SH3TC1: variants seen among roughly 807,000 people sequenced by gnomAD.
The protein encoded by SH3TC1 is SH3 domain and tetratricopeptide repeat-containing protein 1.
Under a neutral mutation model 117.3 loss-of-function variants are expected in SH3TC1, and 135 were observed. That is an observed-to-expected ratio of 1.15 (90% CI 1.00 to 1.33). The LOEUF (loss-of-function observed/expected upper bound fraction) is 1.33. Ranked by LOEUF, SH3TC1 falls within the 40% of genes most tolerant of loss-of-function variation. The pLI is 0.00. For synonymous variants in SH3TC1, 898 were observed against 816.9 expected (o/e 1.10, Z -1.69); for missense variants, 2,092 against 1,794.3 (o/e 1.17, Z -3.00).
At position 8,233,496 on chromosome 4, in the gene SH3TC1, G is replaced by A. The variant is rs1721448306; in HGVS notation, c.3265G>A (p.Val1089Met). 6.2e-7 allele frequency: 1 copy of A among 1,611,776 alleles called. No homozygotes were observed. Among genetic ancestry groups the A allele is most frequent in the Non-Finnish European group, 8.5e-7 (1 of 1,178,958 alleles). Residue 1089 changes from valine to methionine, a missense_variant, in exon 14 of 18, where the codon GTG becomes ATG. Transcript: ENST00000245105. ...TTACATCTTGCGGCAGAGCGAGCTGGTGGACCTCTACATCCAGGTGAGTGA... is the reference window on the plus strand; with the variant it reads ...TTACATCTTGCGGCAGAGCGAGCTGATGGACCTCTACATCCAGGTGAGTGA... Reference protein sequence around the residue: ...IYYILRQSELVDLYIQVAQNV... With the variant: ...IYYILRQSELMDLYIQVAQNV...
upstream of SH3TC1, among the ~76,000 whole-genome samples, chr4:8,195,036 G>C (rs536491322): frequency 6.6e-5 from 10 of 152,272 alleles, no homozygotes; most frequent in African/African-American, 2.4e-4. Context: ...GCCTCCTCTA[G>C]ACCCTCTGTG....
chr4:8,194,381 C>A (rs1266845335), upstream of SH3TC1, among the ~76,000 whole-genome samples: 1 of 152,050 alleles, frequency 6.6e-6, no homozygotes, highest in African/African-American at 2.4e-5. Context: ...GCCATCGTGG[C>A]CATGCCTGCC....
Position 8,206,562 on chromosome 4 carries a change from G to A in SH3TC1, c.172+1196G>A, listed in dbSNP as rs185845811. ...TGAGTGGCTGGGTGTTTCCTCCTCC[G>A]GAGGCTCAGCAAAGCACCGTGGCAT... On this transcript the variant is annotated intron_variant, in intron 2 of 17. Coordinates refer to ENST00000245105, the MANE Select transcript of SH3TC1 (RefSeq NM_018986.5). This position sits in a 1 kb window ranked among gnomAD's most constrained non-coding sequence, Gnocchi z 5.5. 2.4e-4 allele frequency among the ~76,000 whole-genome samples: 37 copies of A among 152,216 alleles called. No individual in the cohort carries two copies. The highest frequency in any genetic ancestry group is 1.6e-3 in the Admixed American group (24 of 15,288).
At position 8,189,263 on chromosome 4, in the gene SH3TC1, G is replaced by A. The variant is rs182524906; in HGVS notation, c.-57+7053G>A. The stretch of plus-strand genomic sequence containing the variant: ...ACGTGGCCCACAGAGAGCAAGGCCC[G>A]CCAGTCTCCTCGCTGGAGGAGCCCG... On this transcript the variant is annotated intron_variant, in intron 1 of 16. Transcript: ENST00000508641. Among the ~76,000 whole-genome samples the A allele has an allele frequency of 9.6e-4, 147 of 152,370 alleles. 1 individual carries two copies. The highest frequency in any genetic ancestry group is 2.5e-4 in the Non-Finnish European group (17 of 68,036).
At position 8,210,358 on chromosome 4, in the gene SH3TC1, G is replaced by A. The variant is rs543960222; in HGVS notation, c.247+536G>A. On this transcript the variant is annotated intron_variant, in intron 3 of 17. Coordinates refer to ENST00000245105, the MANE Select transcript of SH3TC1 (RefSeq NM_018986.5). This position sits in a 1 kb window ranked among gnomAD's most constrained non-coding sequence, Gnocchi z 4.1. ...AATGGAGACCCCAGCATCCATTGCT[G>A]GCTTTGCCCCTTGGCGGTGATGCCC... 4.6e-5 allele frequency among the ~76,000 whole-genome samples: 7 copies of A among 152,266 alleles called. No individual in the cohort carries two copies. Among genetic ancestry groups the A allele is most frequent in the Non-Finnish European group, 1.0e-4 (7 of 68,046 alleles).
At chr4:8,238,449 T>C (rs73079783) in intron 17 of SH3TC1, among the ~76,000 whole-genome samples, 284 of 152,268 alleles carry the variant, frequency 1.9e-3, no homozygotes, top group African/African-American at 6.5e-3. Context: ...CTACTCAGCA[T>C]CACACTGGCA....
Position 8,237,573 on chromosome 4 carries a change from T to C in SH3TC1, c.3656T>C (p.Leu1219Pro), listed in dbSNP as rs1158925248. The C allele has an allele frequency of 6.2e-7, 1 of 1,612,268 alleles. No individual in the cohort carries two copies. The highest frequency in any genetic ancestry group is 8.5e-7 in the Non-Finnish European group (1 of 1,179,600). The stretch of plus-strand genomic sequence containing the variant: ...GCAGAGCACTTCTACCTCAAGGCCC[T>C]GTCGCTCTGCAACTCGCCGCTGGAG... ...ELAEHFYLKALSLCNSPLEFD... is the reference protein window; with the variant it reads ...ELAEHFYLKAPSLCNSPLEFD... Residue 1219 changes from leucine (L) to proline (P), a missense_variant, in exon 17 of 18, where the codon CTG (leucine) becomes CCG (proline). By Grantham distance (98) the Leu-to-Pro change is moderately conservative. Coordinates refer to ENST00000245105, the MANE Select transcript of SH3TC1 (RefSeq NM_018986.5).
At chr4:8,203,343 T>C (rs1717965748) in intron 1 of SH3TC1, among the ~76,000 whole-genome samples, 1 of 152,030 alleles carries the variant, frequency 6.6e-6, no homozygotes, top group Non-Finnish European at 1.5e-5. Flanking sequence ...AGAGCCTCAG[T>C]TTCCCCATCT....
chr4:8,239,643 GAC>G (rs1286521566), intron 17 of SH3TC1, among the ~76,000 whole-genome samples: 1 of 152,230 alleles, frequency 6.6e-6, no homozygotes, highest in Non-Finnish European at 1.5e-5. Flanking sequence ...TGCACACAGA[GAC>G]ACATATGCTT....
chr4:8,221,333 G>A (rs1719899992), intron 9 of SH3TC1, among the ~76,000 whole-genome samples: 1 of 152,230 alleles, frequency 6.6e-6, no homozygotes, highest in Non-Finnish European at 1.5e-5. Context: ...CCTGTTCACA[G>A]CTGGAGAAAT....
upstream of SH3TC1, among the ~76,000 whole-genome samples, chr4:8,195,412 T>C (rs113946425): frequency 2.0e-5 from 3 of 152,174 alleles, no homozygotes; most frequent in African/African-American, 4.8e-5. Context: ...CAGCCTCCAG[T>C]TGGGCGTGCT....
At chr4:8,201,003 C>T (rs1271611242) in intron 1 of SH3TC1, among the ~76,000 whole-genome samples, 1 of 152,210 alleles carries the variant, frequency 6.6e-6, no homozygotes, top group Non-Finnish European at 1.5e-5. Context: ...CCAAATAAGG[C>T]CCCATTCTGA....
In SH3TC1 at chr4:8,186,499, C is replaced by T. The variant is rs750914523; in HGVS notation, c.-57+4289C>T. The stretch of plus-strand genomic sequence containing the variant: ...ATTGTGAGTAAAAATAGCAGGTCCA[C>T]GTTGGTTTACTGAATGTGACAGGTT... On this transcript the variant is annotated intron_variant, in intron 1 of 16. Transcript: ENST00000508641. The surrounding 1 kb of genome is among the most constrained non-coding windows in gnomAD (Gnocchi z 5.2). Among the ~76,000 whole-genome samples, 4 of 152,186 alleles carry T rather than the reference C, an allele frequency of 2.6e-5. No individual in the cohort carries two copies. The highest frequency in any genetic ancestry group is 4.4e-5 in the Non-Finnish European group (3 of 68,030).
chr4:8,205,802 C>A lies in SH3TC1; in HGVS notation c.172+436C>A, dbSNP rs1718158249. Reference sequence around the variant, plus strand: ...GGCCACCCTGTGGTCAGGGGCCGGGCCAGGACGTGTGCCCAGTTTCCTGAA... The same window carrying A: ...GGCCACCCTGTGGTCAGGGGCCGGGACAGGACGTGTGCCCAGTTTCCTGAA... On this transcript the variant is annotated intron_variant, in intron 2 of 17. Coordinates refer to ENST00000245105, the MANE Select transcript of SH3TC1 (RefSeq NM_018986.5). This position sits in a 1 kb window ranked among gnomAD's most constrained non-coding sequence, Gnocchi z 5.4. The A allele has an allele frequency of 4.9e-6, 3 of 606,312 alleles. No individual in the cohort carries two copies. The African/African-American group carries it at 5.5e-5, about 11-fold the overall frequency. 37.6% of individuals were successfully genotyped at this position (606,312 alleles called of 1,614,324 possible). A position where few individuals can be genotyped will look rare whatever the true frequency, so the allele number is the denominator to read the frequency against.
intron 5 of SH3TC1, among the ~76,000 whole-genome samples, chr4:8,215,635 TGAACGAAG>T (rs1262225485): frequency 2.6e-5 from 4 of 152,134 alleles, no homozygotes; most frequent in African/African-American, 9.7e-5. Context: ...TCAGCTGCGG[TGAACGAAG>T]GCTCACTGCC....
At chr4:8,195,536 G>A (rs567419136), upstream of SH3TC1, among the ~76,000 whole-genome samples, 13 of 152,290 alleles carry the variant, frequency 8.5e-5, no homozygotes, top group Non-Finnish European at 1.0e-4. Context: ...AAATTCCCCC[G>A]GCCTTGGGCC....
chr4:8,208,111 A>T (rs1718353029), intron 2 of SH3TC1, among the ~76,000 whole-genome samples: 1 of 152,188 alleles, frequency 6.6e-6, no homozygotes, highest in South Asian at 2.1e-4. Context: ...ACCCTCATCC[A>T]ACCCTTCCAA....
Position 8,205,396 on chromosome 4 carries a change from CTCCATCCCACCCACTTCTCCA to C in SH3TC1, c.172+31_172+51del. The C allele has an allele frequency of 1.3e-6, 2 of 1,525,004 alleles. No homozygotes were observed. The highest frequency in any genetic ancestry group is 2.5e-5 in the South Asian group (2 of 80,088). The allele number at this position is 1,525,004 out of a possible 1,614,324, so 94.5% of individuals were successfully genotyped here. On this transcript the variant is annotated intron_variant, in intron 2 of 17. Transcript: ENST00000245105. This position sits in a 1 kb window ranked among gnomAD's most constrained non-coding sequence, Gnocchi z 5.4. ...GTTCATTCCACCCTCACCACCCGCC[CTCCATCCCACCCACTTCTCCA>C]CCCCACCCGCCCCGTCCATCCATCC...
rs1554137225 is a variant in SH3TC1, at chr4:8,227,962, C to CG, written c.2268_2269insG (p.Gln757AlafsTer128). On this transcript the variant is annotated frameshift_variant, in exon 12 of 18. Transcript: ENST00000245105. LOFTEE classifies it high-confidence loss of function. ...TGAACCTGGTGCTCCAGAACGCCCC[C>CG]CAGCCCCACAGCCTCCCTGCCCAAA... The CG allele has an allele frequency of 1.2e-6, 2 of 1,612,482 alleles. No homozygotes were observed. The highest frequency in any genetic ancestry group is 1.7e-6 in the Non-Finnish European group (2 of 1,179,814).
Sources: allele counts gnomAD v4.1 joint callset (sites outside exome capture counted in the v4.1 genomes callset), GRCh38; gene constraint gnomAD v4.1.1; non-coding constraint Gnocchi (gnomAD v3.1); transcripts MANE v1.5; gene names NCBI Gene and HGNC (gene_info 2026-07-23, HGNC 2026-07-21).